Variants in LDLRAD4 observed in about 807,000 individuals in gnomAD.
The protein encoded by LDLRAD4 is low density lipoprotein receptor class A domain containing 4, also known as low-density lipoprotein receptor class A domain-containing protein 4.
In LDLRAD4, 5 loss-of-function variants were observed where a neutral mutation model predicts 17.0. That is an observed-to-expected ratio of 0.29 (90% CI 0.15 to 0.62). The LOEUF (loss-of-function observed/expected upper bound fraction) is 0.62. LDLRAD4 is among the 20% of genes least tolerant of loss of function. The pLI is 0.84. For synonymous variants in LDLRAD4, 168 were observed against 171.8 expected, an observed-to-expected ratio of 0.98 and a Z score of 0.17; for missense variants, 340 against 424.7, an observed-to-expected ratio of 0.80 and a Z score of 1.75.
At chr18:13,351,378 C>A (rs1223598609) in intron 1 of LDLRAD4, among the ~76,000 whole-genome samples, 2 of 152,010 alleles carry the variant, frequency 1.3e-5, no homozygotes, top group Non-Finnish European at 2.9e-5. Flanking sequence ...GCATTTTATT[C>A]TCTTTGTAGC....
chr18:13,391,081 A>T (rs886163070), intron 2 of LDLRAD4, among the ~76,000 whole-genome samples: 1 of 152,168 alleles, frequency 6.6e-6, no homozygotes, highest in African/African-American at 2.4e-5. Flanking sequence ...TGTTCTTAAA[A>T]TTTTGGATTT....
intron 1 of LDLRAD4, among the ~76,000 whole-genome samples, chr18:13,270,446 G>A (rs966920739): frequency 3.3e-4 from 51 of 152,264 alleles, no homozygotes; most frequent in African/African-American, 1.2e-3. Context: ...TGGCCGGGTC[G>A]AGAGGGCAAA....
intron 2 of LDLRAD4, among the ~76,000 whole-genome samples, chr18:13,436,642 C>T (rs891022539): frequency 4.6e-5 from 7 of 152,182 alleles, no homozygotes; most frequent in African/African-American, 1.7e-4. Context: ...CTTGACATCC[C>T]TTTTTTCCAT....
intron 3 of LDLRAD4, among the ~76,000 whole-genome samples, chr18:13,544,196 C>T (rs1473245889): frequency 6.6e-6 from 1 of 152,240 alleles, no homozygotes; most frequent in Non-Finnish European, 1.5e-5. Flanking sequence ...GTGTTGATTG[C>T]CTGAGGCACT....
At chr18:13,633,686 G>T (rs534939189) in intron 4 of LDLRAD4, among the ~76,000 whole-genome samples, 1 of 152,342 alleles carries the variant, frequency 6.6e-6, no homozygotes, top group Admixed American at 6.5e-5. Flanking sequence ...TCCAAAATTG[G>T]AGCAGGCAGC....
intron 3 of LDLRAD4, among the ~76,000 whole-genome samples, chr18:13,578,275 T>C (rs1054160328): frequency 1.3e-5 from 2 of 152,260 alleles, no homozygotes; most frequent in African/African-American, 2.4e-5. Context: ...ATCATCTGTC[T>C]GATGAATTAC....
chr18:13,507,411 A>T (rs2093711905), intron 3 of LDLRAD4, among the ~76,000 whole-genome samples: 1 of 152,230 alleles, frequency 6.6e-6, no homozygotes, highest in Non-Finnish European at 1.5e-5. Flanking sequence ...AAGTGAGAAC[A>T]TATGATACTT....
intron 3 of LDLRAD4, among the ~76,000 whole-genome samples, chr18:13,513,574 G>A (rs1451441574): frequency 2.0e-5 from 3 of 152,092 alleles, no homozygotes; most frequent in Admixed American, 6.6e-5. Context: ...ATTTAGGAGC[G>A]GACAGGTCCT....
chr18:13,353,064 TTA>T (rs1491224703), intron 1 of LDLRAD4, among the ~76,000 whole-genome samples: 2 of 152,382 alleles, frequency 1.3e-5, no homozygotes, highest in East Asian at 1.9e-4. Flanking sequence ...TATTTAAGAC[TTA>T]TGTGGTAAAA....
intron 3 of LDLRAD4, among the ~76,000 whole-genome samples, chr18:13,569,213 C>T (rs1785172): frequency 0.58 from 88,719 of 151,818 alleles, 26,490 homozygotes; most frequent in East Asian, 0.87. Context: ...GCCTTCCCCA[C>T]ACGTGGCCTC....
chr18:13,633,495 C>G (rs1011179136), intron 4 of LDLRAD4, among the ~76,000 whole-genome samples: 1 of 152,174 alleles, frequency 6.6e-6, no homozygotes, highest in Non-Finnish European at 1.5e-5. Context: ...CCACACCAAC[C>G]CACCCTCAGC....
In LDLRAD4 at chr18:13,528,808, T is replaced by A. The variant is rs62087217; in HGVS notation, c.181+90424T>A. 6.1e-3 allele frequency among the ~76,000 whole-genome samples: 928 copies of A among 152,258 alleles called. 5 individuals are homozygous for A. The highest frequency in any genetic ancestry group is 0.02 in the South Asian group (94 of 4,812). ...CCCACTGGCTCCTGCATAGCAGCGT[T>A]CCCCCAACTGTAGGATACATGACTC... On this transcript the variant is annotated intron_variant, in intron 3 of 5. Transcript: ENST00000359446.
At chr18:13,291,187 G>A (rs926912662) in intron 1 of LDLRAD4, among the ~76,000 whole-genome samples, 1 of 152,124 alleles carries the variant, frequency 6.6e-6, no homozygotes, top group Non-Finnish European at 1.5e-5. Context: ...TCCCCAGCCG[G>A]TCTGTTTGCT....
intron 3 of LDLRAD4, among the ~76,000 whole-genome samples, chr18:13,485,169 T>C (rs1266692309): frequency 6.6e-6 from 1 of 152,208 alleles, no homozygotes; most frequent in African/African-American, 2.4e-5. Context: ...GGACCTGAGC[T>C]CCTCGTGGGG....
At chr18:13,643,182 C>T (rs1457111828) in intron 4 of LDLRAD4, among the ~76,000 whole-genome samples, 177 bp from the exon 6 acceptor site, 1 of 151,854 alleles carries the variant, frequency 6.6e-6, no homozygotes, top group African/African-American at 2.4e-5. Flanking sequence ...GATCCATCCG[C>T]CTCTGCCTCC....
intron 2 of LDLRAD4, among the ~76,000 whole-genome samples, chr18:13,422,795 T>C (rs538018038): frequency 5.9e-5 from 9 of 152,372 alleles, no homozygotes; most frequent in African/African-American, 1.9e-4. Context: ...GATCTGTTTT[T>C]TCCTCTTCTG....
At chr18:13,632,427 A>G (rs1215456547) in intron 4 of LDLRAD4, among the ~76,000 whole-genome samples, 3 of 152,240 alleles carry the variant, frequency 2.0e-5, no homozygotes, top group Non-Finnish European at 4.4e-5. Flanking sequence ...AGCTCCAGGT[A>G]CTGGCACAGG....
chr18:13,398,079 G>A lies in LDLRAD4; in HGVS notation c.40+10317G>A, dbSNP rs1008863589. On this transcript the variant is annotated intron_variant, in intron 2 of 5. Coordinates refer to ENST00000359446, the Ensembl canonical transcript of LDLRAD4. The surrounding 1 kb of genome is among the most constrained non-coding windows in gnomAD (Gnocchi z 4.8). ...CCTTGAGGACGCAGTGGCCAGTGGG[G>A]GCCACCATGTCAGGGTTGAAAGTGG... Among the ~76,000 whole-genome samples the A allele has an allele frequency of 1.3e-5, 2 of 152,184 alleles. No individual in the cohort carries two copies. Among genetic ancestry groups the A allele is most frequent in the African/African-American group, 2.4e-5 (1 of 41,442 alleles).
intron 3 of LDLRAD4, among the ~76,000 whole-genome samples, chr18:13,585,824 A>G (rs1040376962): frequency 6.6e-6 from 1 of 152,222 alleles, no homozygotes; most frequent in African/African-American, 2.4e-5. Flanking sequence ...TGTGTTGGAA[A>G]GAATATATAT....
Sources: gnomAD v4.1 joint callset for allele counts (sites outside exome capture counted in the v4.1 genomes callset) on GRCh38, gnomAD v4.1.1 for gene constraint, Gnocchi (gnomAD v3.1) non-coding constraint, MANE v1.5 for transcripts, NCBI Gene and HGNC (gene_info 2026-07-23, HGNC 2026-07-21) for gene names.